GDAP1: variants seen among roughly 807,000 people sequenced by gnomAD.
The protein encoded by GDAP1 is ganglioside induced differentiation associated protein 1.
Under a neutral mutation model 40.1 loss-of-function variants are expected in GDAP1, and 34 were observed. That is an observed-to-expected ratio of 0.85 (90% CI 0.64 to 1.13). The LOEUF (loss-of-function observed/expected upper bound fraction) is 1.13, where lower values mean the gene tolerates loss of function less well. Ranked by LOEUF, GDAP1 falls within the 50% of genes most tolerant of loss-of-function variation. The pLI, the probability that GDAP1 is intolerant of heterozygous loss-of-function variation, is 0.00. For missense variants in GDAP1, 374 were observed against 433.7 expected (o/e 0.86, Z 1.22); for synonymous variants, 170 against 157.4 (o/e 1.08, Z -0.60).
intron 2 of GDAP1, among the ~76,000 whole-genome samples, chr8:74,399,127 C>G (rs186096576): frequency 6.6e-6 from 1 of 152,042 alleles, no homozygotes; most frequent in Non-Finnish European, 1.5e-5. Flanking sequence ...AGGAATGGTA[C>G]CAGTTCCTCC....
At chr8:74,402,500 C>A (rs74582738) in intron 2 of GDAP1, among the ~76,000 whole-genome samples, 1 of 150,452 alleles carries the variant, frequency 6.6e-6, no homozygotes, top group Non-Finnish European at 1.5e-5. Flanking sequence ...TGACCCCTTG[C>A]GCTTCCTGAG....
intron 2 of GDAP1, among the ~76,000 whole-genome samples, chr8:74,408,250 A>G (rs1421306857): frequency 1.3e-5 from 2 of 149,996 alleles, no homozygotes; most frequent in East Asian, 3.9e-4. Context: ...CCCTGCATCT[A>G]TTTTTGTATT....
Position 74,360,152 on chromosome 8 carries a change from T to A in GDAP1, c.326T>A (p.Leu109Ter), listed in dbSNP as rs751986220. The A allele has an allele frequency of 1.2e-6, 2 of 1,613,012 alleles. No homozygotes were observed. Among genetic ancestry groups the A allele is most frequent in the Non-Finnish European group, 8.5e-7 (1 of 1,178,964 alleles). The part of the protein sequence containing the change: ...QTFLDERTPR[L>*]MPDKESMYYP... ...TGTATTTTAGAAAGAACACCCAGGTTAATGCCTGATAAAGAAAGCATGTAT... is the reference window on the plus strand; with the variant it reads ...TGTATTTTAGAAAGAACACCCAGGTAAATGCCTGATAAAGAAAGCATGTAT... The change falls in exon 3 of 6, where the codon TTA (leucine) becomes TAA (stop). Residue 109 changes from leucine to a stop codon, truncating the protein, a stop_gained. Transcript: ENST00000220822. LOFTEE classifies it high-confidence loss of function.
intron 2 of GDAP1, among the ~76,000 whole-genome samples, chr8:74,450,260 T>TA (rs1313907307): frequency 1.3e-5 from 2 of 151,898 alleles, no homozygotes; most frequent in Non-Finnish European, 2.9e-5. Context: ...TTACCTAAGA[T>TA]ATAGTCCATC....
At chr8:74,358,244 G>T (rs758702173) in intron 2 of GDAP1, among the ~76,000 whole-genome samples, 23 of 152,198 alleles carry the variant, frequency 1.5e-4, no homozygotes, top group African/African-American at 5.1e-4. Context: ...ATTAGACATT[G>T]TTTTTCCTGC....
At chr8:74,389,844 T>A (rs145841158) in intron 2 of GDAP1, among the ~76,000 whole-genome samples, 2 of 152,328 alleles carry the variant, frequency 1.3e-5, no homozygotes, top group Non-Finnish European at 2.9e-5. Flanking sequence ...TTTCACATAG[T>A]CCCATATTTC....
chr8:74,446,114 G>C (rs953138960), intron 2 of GDAP1, among the ~76,000 whole-genome samples: 1 of 152,070 alleles, frequency 6.6e-6, no homozygotes, highest in Non-Finnish European at 1.5e-5. Context: ...TTTCTACTTC[G>C]GGGAGCTGGG....
chr8:74,443,641 A>C (rs540232204), intron 2 of GDAP1, among the ~76,000 whole-genome samples: 1 of 152,198 alleles, frequency 6.6e-6, no homozygotes, highest in Non-Finnish European at 1.5e-5. Flanking sequence ...TCTCTAAAAA[A>C]CACAAAATCC....
intron 2 of GDAP1, among the ~76,000 whole-genome samples, chr8:74,385,331 G>A (rs186668613): frequency 4.6e-5 from 7 of 151,576 alleles, no homozygotes; most frequent in Admixed American, 3.3e-4. Flanking sequence ...TCCCCTAACC[G>A]CCCCCACCAC....
At chr8:74,372,904 A>C (rs1809779596) in intron 2 of GDAP1, among the ~76,000 whole-genome samples, 1 of 152,158 alleles carries the variant, frequency 6.6e-6, no homozygotes, top group Non-Finnish European at 1.5e-5. Flanking sequence ...TTTTAGGTCT[A>C]ACATTTAAGT....
chr8:74,456,684 T>C (rs1433674526), intron 2 of GDAP1, among the ~76,000 whole-genome samples: 2 of 152,008 alleles, frequency 1.3e-5, no homozygotes, highest in Non-Finnish European at 2.9e-5. Context: ...ATATGTGCTC[T>C]CAGTGGTGCA....
chr8:74,449,470 T>C (rs896761144), intron 2 of GDAP1, among the ~76,000 whole-genome samples: 1 of 151,864 alleles, frequency 6.6e-6, no homozygotes, highest in Non-Finnish European at 1.5e-5. Flanking sequence ...ATGGTATATA[T>C]CTTCATTTAT....
chr8:74,476,101 A>G (rs543131230), intron 2 of GDAP1, among the ~76,000 whole-genome samples: 1 of 151,402 alleles, frequency 6.6e-6, no homozygotes, highest in South Asian at 2.1e-4. Context: ...TAGGATTGCA[A>G]CCCCTTTATT....
intron 2 of GDAP1, among the ~76,000 whole-genome samples, chr8:74,398,762 T>A (rs559298152): frequency 4.6e-5 from 7 of 151,964 alleles, no homozygotes; most frequent in Non-Finnish European, 8.8e-5. Context: ...GCATGAAGAG[T>A]TGTTGAATTT....
At chr8:74,405,528 C>T (rs1805627210) in intron 2 of GDAP1, among the ~76,000 whole-genome samples, 1 of 150,058 alleles carries the variant, frequency 6.7e-6, no homozygotes. Flanking sequence ...TAAACTGAAG[C>T]AAACTAAAGT....
At chr8:74,459,319 T>C (rs1394389688) in intron 2 of GDAP1, among the ~76,000 whole-genome samples, 1 of 152,216 alleles carries the variant, frequency 6.6e-6, no homozygotes, top group Non-Finnish European at 1.5e-5. Flanking sequence ...TGGCAGGATA[T>C]AGATTATCAG....
intron 2 of GDAP1, among the ~76,000 whole-genome samples, chr8:74,426,877 T>A (rs1359549681): frequency 6.6e-6 from 1 of 152,222 alleles, no homozygotes; most frequent in African/African-American, 2.4e-5. Flanking sequence ...GTGTTGCCCT[T>A]ACTCACTCCA....
rs537509907 is a variant in GDAP1 at position 74,355,320 on chromosome 8, G to A, written c.310+3854G>A. On this transcript the variant is annotated intron_variant, in intron 2 of 5. Coordinates refer to ENST00000220822, the MANE Select transcript of GDAP1 (RefSeq NM_018972.4). ...GGGTATTAATTTGGTATAGGGTCCT[G>A]GGATACTTCAGAGATGTTTTAAAGA... 2.6e-5 allele frequency among the ~76,000 whole-genome samples: 4 copies of A among 152,236 alleles called. No individual in the cohort carries two copies. The South Asian group carries it at 8.3e-4, about 32-fold the overall frequency.
chr8:74,455,656 T>C (rs931094121), intron 2 of GDAP1, among the ~76,000 whole-genome samples: 3 of 151,976 alleles, frequency 2.0e-5, no homozygotes, highest in Non-Finnish European at 2.9e-5. Flanking sequence ...TCATTTTTTT[T>C]CTCCTCAGTG....
Sources: allele counts gnomAD v4.1 joint callset (sites outside exome capture counted in the v4.1 genomes callset), GRCh38; gene constraint gnomAD v4.1.1; transcripts MANE v1.5; gene names NCBI Gene and HGNC (gene_info 2026-07-23, HGNC 2026-07-21).